Variants in ALG9 observed in about 807,000 individuals in gnomAD.
The protein encoded by ALG9 is ALG9 alpha-1,2-mannosyltransferase.
A neutral mutation model predicts 81.8 loss-of-function variants in ALG9; 55 were observed. The observed-to-expected ratio is 0.67, with a 90% CI of 0.54 to 0.84. The LOEUF is 0.84. ALG9 is among the 40% of genes least tolerant of loss of function. The pLI is 0.00. For synonymous variants in ALG9, 278 were observed against 274.3 expected, an observed-to-expected ratio of 1.01 and a Z score of -0.13; for missense variants, 629 against 745.0, an observed-to-expected ratio of 0.84 and a Z score of 1.81.
At chr11:111,845,455 T>C (rs1201158354) in intron 8 of ALG9, 2 of 152,240 alleles carry the variant, frequency 1.3e-5, no homozygotes, top group African/African-American at 4.8e-5. Flanking sequence ...GTGTTTGGTA[T>C]AAAGCAACAA....
chr11:111,850,766 G>A (rs1367124843), intron 8 of ALG9, among the ~76,000 whole-genome samples: 1 of 143,648 alleles, frequency 7.0e-6, no homozygotes, highest in African/African-American at 2.7e-5. Flanking sequence ...CAAAGATGAG[G>A]TAAAGGCACA....
At chr11:111,819,319 G>A (rs138906747) in intron 13 of ALG9, among the ~76,000 whole-genome samples, 59 of 152,340 alleles carry the variant, frequency 3.9e-4, no homozygotes, top group African/African-American at 1.2e-3. Context: ...TGACAATGAC[G>A]CAAGTAGCTG....
At chr11:111,778,016 T>C (rs1945743641), downstream of ALG9, among the ~76,000 whole-genome samples, 1 of 152,136 alleles carries the variant, frequency 6.6e-6, no homozygotes, top group South Asian at 2.1e-4. Context: ...AAAGGTAAAA[T>C]AGGGTCTTTA....
chr11:111,813,650 A>C (rs1555093944), intron 13 of ALG9, among the ~76,000 whole-genome samples: 1 of 152,226 alleles, frequency 6.6e-6, no homozygotes, highest in African/African-American at 2.4e-5. Context: ...AACTTCTGCT[A>C]ATCAACAAGA....
intron 13 of ALG9, among the ~76,000 whole-genome samples, chr11:111,823,350 C>G (rs1194779346): frequency 6.6e-6 from 1 of 152,212 alleles, no homozygotes; most frequent in Non-Finnish European, 1.5e-5. Flanking sequence ...CTCTAAACTA[C>G]TGCTGCTCAT....
At chr11:111,840,076 T>G (rs182577649) in intron 10 of ALG9, among the ~76,000 whole-genome samples, 1 of 152,184 alleles carries the variant, frequency 6.6e-6, no homozygotes, top group Non-Finnish European at 1.5e-5. Context: ...ATAGGTAAAC[T>G]GTATGGTTTG....
the ALG9 span, among the ~76,000 whole-genome samples, chr11:111,774,440 T>C: frequency 2.0e-5 from 3 of 152,196 alleles, no homozygotes; most frequent in East Asian, 3.9e-4. Flanking sequence ...TATCTTACCA[T>C]TTGTGTAAAA....
At chr11:111,839,314 G>A (rs546990382) in intron 10 of ALG9, among the ~76,000 whole-genome samples, 7 of 152,106 alleles carry the variant, frequency 4.6e-5, no homozygotes, top group African/African-American at 7.2e-5. Flanking sequence ...GGCTGGGTGC[G>A]GTGGCTCACG....
chr11:111,804,392 A>G (rs1949622254), intron 14 of ALG9, among the ~76,000 whole-genome samples: 1 of 152,192 alleles, frequency 6.6e-6, no homozygotes, highest in South Asian at 2.1e-4. Context: ...GACATATCAA[A>G]TAAAGGACTG....
rs1946300393 is a variant in ALG9, at chr11:111,784,802, G to A, written c.*1595C>T. 6.6e-6 allele frequency: 1 copy of A among 152,160 alleles called. No homozygotes were observed. The highest frequency in any genetic ancestry group is 2.1e-4 in the South Asian group (1 of 4,826). 9.4% of individuals were successfully genotyped at this position (152,160 alleles called of 1,614,324 possible). On this transcript the variant is annotated 3_prime_UTR_variant, in exon 15 of 15. Transcript: ENST00000616540. ...GATATTCAGATCAGTTACCCTTAGG[G>A]AAATAAGGCACCTATAATGTGACCC...
At chr11:111,863,886 A>C (rs894622559) in intron 4 of ALG9, among the ~76,000 whole-genome samples, 4 of 152,232 alleles carry the variant, frequency 2.6e-5, no homozygotes, top group Non-Finnish European at 4.4e-5. Context: ...CCTATCAAGT[A>C]AAGACCAGTT....
intron 3 of ALG9, 69 bp from the exon 4 acceptor site, chr11:111,865,320 C>T (rs1961992868): frequency 6.8e-6 from 8 of 1,184,504 alleles, no homozygotes; most frequent in Non-Finnish European, 8.4e-6. Context: ...AAACATGAAC[C>T]ACTCTCATTT....
rs191458059 is a variant in ALG9, at chr11:111,854,958, C to T, written c.702-1222G>A. ...CTTATCTTGGTAAAGGCAGACTCAT[C>T]GAAATGTGGCACCCAAGAGGTATTT... is the stretch of plus-strand genomic sequence containing the variant. On this transcript the variant is annotated intron_variant, in intron 6 of 14. Transcript: ENST00000616540. Among the ~76,000 whole-genome samples the T allele has an allele frequency of 9.7e-4, 148 of 152,256 alleles. 1 individual carries two copies. The highest frequency in any genetic ancestry group is 3.5e-3 in the African/African-American group (144 of 41,550).
downstream of ALG9, among the ~76,000 whole-genome samples, chr11:111,779,517 A>G (rs1319481016): frequency 6.6e-6 from 1 of 151,730 alleles, no homozygotes. Flanking sequence ...ATATATGTAT[A>G]TTTTTACATA....
intron 13 of ALG9, among the ~76,000 whole-genome samples, chr11:111,816,904 A>G (rs1161632931): frequency 6.6e-6 from 1 of 152,226 alleles, no homozygotes; most frequent in Non-Finnish European, 1.5e-5. Flanking sequence ...AAATGACATT[A>G]GCATATATGA....
At chr11:111,869,107 C>T (rs1963450984) in intron 2 of ALG9, among the ~76,000 whole-genome samples, 1 of 152,066 alleles carries the variant, frequency 6.6e-6, no homozygotes, top group Non-Finnish European at 1.5e-5. Context: ...GGGCGATCTG[C>T]AATTGATGGA....
At chr11:111,830,382 T>A (rs2136711920) in intron 13 of ALG9, among the ~76,000 whole-genome samples, 2 of 152,336 alleles carry the variant, frequency 1.3e-5, no homozygotes, top group Middle Eastern at 6.8e-3. Context: ...GCTAAATACA[T>A]ATTTGTTGAT....
chr11:111,798,966 G>GT, intron 14 of ALG9, among the ~76,000 whole-genome samples: 1 of 152,330 alleles, frequency 6.6e-6, no homozygotes, highest in South Asian at 2.1e-4. Flanking sequence ...GCCTTATTTA[G>GT]TAAGTACTTC....
the ALG9 span, among the ~76,000 whole-genome samples, chr11:111,775,124 T>C: frequency 9.2e-5 from 14 of 152,102 alleles, no homozygotes; most frequent in Admixed American, 4.6e-4. Context: ...CTGGCCAACA[T>C]AAATAGTAGA....
Sources: allele counts gnomAD v4.1 joint callset (sites outside exome capture counted in the v4.1 genomes callset), GRCh38; gene constraint gnomAD v4.1.1; transcripts MANE v1.5; gene names NCBI Gene and HGNC (gene_info 2026-07-23, HGNC 2026-07-21).